Variants in PHACTR1 observed in about 807,000 individuals in gnomAD.
PHACTR1 encodes phosphatase and actin regulator 1, also known as RPEL repeat containing 1.
A neutral mutation model predicts 69.2 loss-of-function variants in PHACTR1; 16 were observed. That is an observed-to-expected ratio of 0.23 (90% CI 0.16 to 0.35). The LOEUF (loss-of-function observed/expected upper bound fraction) is 0.35. PHACTR1 is among the 10% of genes least tolerant of loss of function. PHACTR1 has a pLI of 1.00. For synonymous variants in PHACTR1, 312 were observed against 284.5 expected (o/e 1.10, Z -0.97); for missense variants, 510 against 734.7 (o/e 0.69, Z 3.54).
intron 4 of PHACTR1, among the ~76,000 whole-genome samples, chr6:12,762,995 C>T (rs1388084516): frequency 1.3e-5 from 2 of 152,108 alleles, no homozygotes; most frequent in African/African-American, 4.8e-5. Context: ...GGGTGGATCA[C>T]CTGAGGTTAG....
chr6:13,281,230 A>T, intron 12 of PHACTR1: 1 of 904,176 alleles, frequency 1.1e-6, no homozygotes, highest in Non-Finnish European at 1.5e-6. Context: ...GGGCTTAACA[A>T]CTTTTCTCAC....
chr6:12,740,847 G>T (rs932604540), intron 3 of PHACTR1, among the ~76,000 whole-genome samples: 3 of 151,730 alleles, frequency 2.0e-5, no homozygotes, highest in African/African-American at 7.3e-5. Flanking sequence ...AGGATCCATA[G>T]TGATAACTCC....
At chr6:12,743,171 G>T (rs1434063054) in intron 3 of PHACTR1, among the ~76,000 whole-genome samples, 2 of 145,144 alleles carry the variant, frequency 1.4e-5, no homozygotes, top group Non-Finnish European at 3.0e-5. Flanking sequence ...GAATAAGCAG[G>T]GTTAGTCTAA....
chr6:13,263,003 T>C (rs2095123060), intron 10 of PHACTR1, among the ~76,000 whole-genome samples: 1 of 152,212 alleles, frequency 6.6e-6, no homozygotes, highest in South Asian at 2.1e-4. Flanking sequence ...CTTGGTGTTC[T>C]GGAAACGGCA....
At chr6:12,955,099 T>C (rs1791721105) in intron 4 of PHACTR1, among the ~76,000 whole-genome samples, 1 of 151,594 alleles carries the variant, frequency 6.6e-6, no homozygotes, top group South Asian at 2.1e-4. Flanking sequence ...TGGGATTAAA[T>C]AAGATATATT....
intron 4 of PHACTR1, among the ~76,000 whole-genome samples, chr6:13,040,810 G>A (rs1458157571): frequency 6.6e-6 from 1 of 152,134 alleles, no homozygotes; most frequent in East Asian, 1.9e-4. Context: ...GGTTGTATAT[G>A]CAATCAGAGA....
At chr6:13,070,807 G>C (rs1036687796) in intron 5 of PHACTR1, among the ~76,000 whole-genome samples, 1 of 140,872 alleles carries the variant, frequency 7.1e-6, no homozygotes, top group Admixed American at 6.9e-5. Context: ...GAATTTGCCT[G>C]CTTAAAAAAA....
At chr6:13,229,645 T>C (rs1271858454) in intron 9 of PHACTR1, among the ~76,000 whole-genome samples, 1 of 152,228 alleles carries the variant, frequency 6.6e-6, no homozygotes, top group African/African-American at 2.4e-5. Flanking sequence ...CTGCTGCCTG[T>C]TGGACTCTCA....
Position 12,799,131 on chromosome 6 carries a change from C to A in PHACTR1, c.250+49341C>A, listed in dbSNP as rs371639049. 2.6e-5 allele frequency among the ~76,000 whole-genome samples: 4 copies of A among 152,276 alleles called. No individual in the cohort carries two copies. The East Asian group carries it at 7.7e-4, about 29-fold the overall frequency. ...TAGTCACTTTTGGGAAAATGAATAT[C>A]TATTTTTTAATTTGACCTTTCTGTG... On this transcript the variant is annotated intron_variant, in intron 4 of 14. Coordinates refer to ENST00000332995, the MANE Select transcript of PHACTR1 (RefSeq NM_030948.6).
intron 8 of PHACTR1, among the ~76,000 whole-genome samples, chr6:13,225,091 T>C (rs1769376443): frequency 1.3e-5 from 2 of 152,222 alleles, no homozygotes; most frequent in African/African-American, 4.8e-5. Context: ...TTCTATACTC[T>C]CCTTTCTTTT....
At chr6:12,986,686 A>AT (rs1429147703) in intron 4 of PHACTR1, among the ~76,000 whole-genome samples, 1 of 152,214 alleles carries the variant, frequency 6.6e-6, no homozygotes, top group Non-Finnish European at 1.5e-5. Flanking sequence ...AGACCCCATG[A>AT]TGCCAGCATA....
intron 4 of PHACTR1, among the ~76,000 whole-genome samples, chr6:12,812,179 G>A (rs1034130709): frequency 2.0e-5 from 3 of 152,026 alleles, no homozygotes; most frequent in Non-Finnish European, 4.4e-5. Context: ...CCCAGTCCTA[G>A]CAACAACCAC....
intron 11 of PHACTR1, among the ~76,000 whole-genome samples, chr6:13,276,493 C>T (rs1457715993): frequency 2.6e-5 from 4 of 151,794 alleles, no homozygotes; most frequent in South Asian, 2.1e-4. Context: ...GTCCCAAGGC[C>T]GGGCGCGGTG....
chr6:12,908,430 G>A (rs756276761), intron 4 of PHACTR1, among the ~76,000 whole-genome samples: 1 of 152,008 alleles, frequency 6.6e-6, no homozygotes, highest in South Asian at 2.1e-4. Context: ...TGTCCCTAAC[G>A]CATTCACAGT....
chr6:13,168,716 T>A (rs1760176552), intron 6 of PHACTR1, among the ~76,000 whole-genome samples: 1 of 152,022 alleles, frequency 6.6e-6, no homozygotes, highest in South Asian at 2.1e-4. Context: ...TGAGTAAGAA[T>A]CATGCTAGAG....
Position 13,261,163 on chromosome 6 carries a change from C to T in PHACTR1, c.1392-11697C>T, listed in dbSNP as rs181976488. ...CCAGACTGGAGAGTTACTGAGACCT[C>T]GAGCCTGGACCACCCTTTCGAGAGG... On this transcript the variant is annotated intron_variant, in intron 10 of 14. Coordinates refer to ENST00000332995, the MANE Select transcript of PHACTR1 (RefSeq NM_030948.6). 2.6e-3 allele frequency among the ~76,000 whole-genome samples: 392 copies of T among 152,270 alleles called. 1 individual carries two copies. Among genetic ancestry groups the T allele is most frequent in the Non-Finnish European group, 4.8e-3 (326 of 68,014 alleles).
At chr6:12,855,476 A>C (rs1780256219) in intron 4 of PHACTR1, among the ~76,000 whole-genome samples, 1 of 152,152 alleles carries the variant, frequency 6.6e-6, no homozygotes, top group Admixed American at 6.5e-5. Flanking sequence ...CAAACCCTAA[A>C]ATTATGTCTT....
At chr6:13,157,724 G>A (rs930173649) in intron 5 of PHACTR1, among the ~76,000 whole-genome samples, 1 of 152,118 alleles carries the variant, frequency 6.6e-6, no homozygotes, top group Non-Finnish European at 1.5e-5. Flanking sequence ...TTATTTATGC[G>A]GTTAAGTACA....
At chr6:12,767,871 G>A (rs922724343) in intron 4 of PHACTR1, among the ~76,000 whole-genome samples, 5 of 152,278 alleles carry the variant, frequency 3.3e-5, no homozygotes, top group African/African-American at 1.2e-4. Flanking sequence ...TTAAGTTACT[G>A]TAGCATATTC....
Sources: allele counts gnomAD v4.1 joint callset (sites outside exome capture counted in the v4.1 genomes callset), GRCh38; gene constraint gnomAD v4.1.1; transcripts MANE v1.5; gene names NCBI Gene and HGNC (gene_info 2026-07-23, HGNC 2026-07-21).